The following USP10 variants were observed in gnomAD, a reference collection of about 807,000 sequenced individuals.
USP10 encodes ubiquitin carboxyl-terminal hydrolase 10.
Under a neutral mutation model 84.5 loss-of-function variants are expected in USP10, and 22 were observed. The observed-to-expected ratio is 0.26, with a 90% CI of 0.19 to 0.37. The LOEUF (loss-of-function observed/expected upper bound fraction) is 0.37, where lower values mean the gene tolerates loss of function less well. Ranked by LOEUF, USP10 falls within the 10% of genes least tolerant of loss-of-function variation. The pLI is 1.00. For missense variants in USP10, 1,019 were observed against 998.9 expected, an observed-to-expected ratio of 1.02 and a Z score of -0.27; for synonymous variants, 454 against 387.6, an observed-to-expected ratio of 1.17 and a Z score of -2.01.
chr16:84,771,069 A>G (rs964766224), intron 11 of USP10, among the ~76,000 whole-genome samples: 1 of 151,586 alleles, frequency 6.6e-6, no homozygotes, highest in Non-Finnish European at 1.5e-5. Context: ...AAAAAAAAAA[A>G]AGTGTTATCC....
At chr16:84,702,757 C>T (rs1905048562) in intron 1 of USP10, among the ~76,000 whole-genome samples, 2 of 152,004 alleles carry the variant, frequency 1.3e-5, no homozygotes, top group South Asian at 2.1e-4. Flanking sequence ...CTTTGGGAGG[C>T]GCAGGTGGGT....
chr16:84,718,407 C>G (rs1187607278), intron 1 of USP10, among the ~76,000 whole-genome samples: 1 of 152,192 alleles, frequency 6.6e-6, no homozygotes, highest in Non-Finnish European at 1.5e-5. Context: ...GTGTGGGCCA[C>G]TGTGTTTGGC....
At chr16:84,740,840 C>T (rs768087109) in intron 3 of USP10, among the ~76,000 whole-genome samples, 3 of 152,226 alleles carry the variant, frequency 2.0e-5, no homozygotes, top group Non-Finnish European at 4.4e-5. Flanking sequence ...CAGGTCAACT[C>T]TTCACCTCCT....
At chr16:84,740,215 T>C (rs1200873215) in intron 2 of USP10, 94 bp from the exon 3 acceptor site, 2 of 1,132,778 alleles carry the variant, frequency 1.8e-6, no homozygotes, top group Non-Finnish European at 2.6e-6. Flanking sequence ...TTGTATGGAT[T>C]AAGAGTTTTA....
At chr16:84,743,293 G>A (rs1292814001) in intron 3 of USP10, among the ~76,000 whole-genome samples, 1 of 152,154 alleles carries the variant, frequency 6.6e-6, no homozygotes, top group Non-Finnish European at 1.5e-5. Flanking sequence ...TGTTGGGGCA[G>A]GATTGTGCTG....
intron 1 of USP10, among the ~76,000 whole-genome samples, chr16:84,706,722 A>G (rs923636875): frequency 2.0e-5 from 3 of 151,780 alleles, no homozygotes; most frequent in Non-Finnish European, 4.4e-5. Flanking sequence ...TTGTATTTTT[A>G]GTAGAGACGG....
intron 1 of USP10, among the ~76,000 whole-genome samples, chr16:84,728,666 G>A (rs951123754): frequency 2.6e-5 from 4 of 151,270 alleles, no homozygotes; most frequent in Admixed American, 6.6e-5. Flanking sequence ...ATTTATGTCC[G>A]TCCACTCACT....
chr16:84,715,305 G>A (rs1175647501), intron 1 of USP10, among the ~76,000 whole-genome samples: 2 of 152,202 alleles, frequency 1.3e-5, no homozygotes, highest in Non-Finnish European at 2.9e-5. Flanking sequence ...AGATATCCAG[G>A]AAGATAACCA....
chr16:84,765,169 A>G (rs1021648279), intron 10 of USP10, among the ~76,000 whole-genome samples: 4 of 152,068 alleles, frequency 2.6e-5, no homozygotes, highest in Non-Finnish European at 4.4e-5. Context: ...GTGTATATTT[A>G]AAGTATACAC....
At chr16:84,716,882 A>G (rs1907090864) in intron 1 of USP10, among the ~76,000 whole-genome samples, 1 of 152,200 alleles carries the variant, frequency 6.6e-6, no homozygotes. Context: ...TCACTCTGAG[A>G]TATGCCTCTA....
At chr16:84,759,564 T>C in intron 6 of USP10, 92 bp downstream of exon 6, 1 of 1,160,626 alleles carries the variant, frequency 8.6e-7, no homozygotes, top group Non-Finnish European at 1.3e-6. Flanking sequence ...CTTGATTTCC[T>C]GCAAATGAGT....
chr16:84,776,966 C>G (rs944624303), intron 13 of USP10, among the ~76,000 whole-genome samples: 10 of 152,218 alleles, frequency 6.6e-5, no homozygotes, highest in African/African-American at 9.7e-5. Flanking sequence ...CTGTGCACCA[C>G]CACATCCAGC....
At position 84,764,939 on chromosome 16, in the gene USP10, A is replaced by ATATACATATATAT. The variant is rs1555548055; in HGVS notation, c.1832+676_1832+677insTATACATATATAT. Among the ~76,000 whole-genome samples the ATATACATATATAT allele has an allele frequency of 1.5e-3, 196 of 132,266 alleles. 1 individual carries two copies. Among genetic ancestry groups the ATATACATATATAT allele is most frequent in the South Asian group, 3.3e-3 (12 of 3,656 alleles). 86.8% of individuals were successfully genotyped at this position (132,266 alleles called of 152,430 possible). A position where few individuals can be genotyped will look rare whatever the true frequency, so the allele number is the denominator to read the frequency against. ...TAACCACGAGAGAGAGAGAAAAAAA[A>ATATACATATATAT]ATATATATATATATATTAGACTTCA... On this transcript the variant is annotated intron_variant, in intron 10 of 13. Transcript: ENST00000219473.
intron 13 of USP10, among the ~76,000 whole-genome samples, chr16:84,776,309 C>G (rs377235670): frequency 7.3e-5 from 5 of 68,712 alleles, no homozygotes; most frequent in South Asian, 5.0e-4. Context: ...GAGGGCCTAG[C>G]GGTGGGGGCC....
rs767983509 is a variant in USP10 at position 84,733,490 on chromosome 16, G to A, written c.77G>A (p.Arg26Gln). 3.7e-6 allele frequency: 6 copies of A among 1,608,876 alleles called. No individual in the cohort carries two copies. The highest frequency in any genetic ancestry group is 5.1e-6 in the Non-Finnish European group (6 of 1,178,560). The change falls in exon 2 of 14, where the codon CGA (arginine) becomes CAA (glutamine). Residue 26 changes from arginine (R) to glutamine (Q), a missense_variant. Coordinates refer to ENST00000219473, the MANE Select transcript of USP10 (RefSeq NM_005153.3). Reference protein sequence around the residue: ...DEFNQFFVTPRSSVELPPYSG... With the variant: ...DEFNQFFVTPQSSVELPPYSG... ...TTCAATCAATTCTTTGTGACTCCTCGATCTTCAGTTGAGGTAAGACAAAAC... is the reference window on the plus strand; with the variant it reads ...TTCAATCAATTCTTTGTGACTCCTCAATCTTCAGTTGAGGTAAGACAAAAC...
At chr16:84,710,426 G>A (rs551282853) in intron 1 of USP10, among the ~76,000 whole-genome samples, 24 of 152,206 alleles carry the variant, frequency 1.6e-4, no homozygotes, top group African/African-American at 5.5e-4. Context: ...TCATAACTTT[G>A]AGGGGAAAGA....
chr16:84,708,708 C>G (rs979835523), intron 1 of USP10, among the ~76,000 whole-genome samples: 1 of 152,208 alleles, frequency 6.6e-6, no homozygotes, highest in Non-Finnish European at 1.5e-5. Flanking sequence ...AGGTCCCACT[C>G]CTGAGAGATA....
At chr16:84,739,707 T>G (rs559152195) in intron 2 of USP10, among the ~76,000 whole-genome samples, 1 of 152,362 alleles carries the variant, frequency 6.6e-6, no homozygotes, top group East Asian at 1.9e-4. Context: ...TACAAAGAAG[T>G]CAGACAGTTC....
At chr16:84,738,720 C>T (rs1910246010) in intron 2 of USP10, among the ~76,000 whole-genome samples, 2 of 152,172 alleles carry the variant, frequency 1.3e-5, no homozygotes, top group African/African-American at 4.8e-5. Context: ...TTTGAATTGC[C>T]CTGTGTTTTC....
Sources: allele counts gnomAD v4.1 joint callset (sites outside exome capture counted in the v4.1 genomes callset), GRCh38; gene constraint gnomAD v4.1.1; transcripts MANE v1.5; gene names NCBI Gene and HGNC (gene_info 2026-07-23, HGNC 2026-07-21).